AUTS2: variants seen among roughly 807,000 people sequenced by gnomAD.
The protein encoded by AUTS2 is activator of transcription and developmental regulator AUTS2.
Under a neutral mutation model 112.4 loss-of-function variants are expected in AUTS2, and 17 were observed. The ratio of observed to expected loss-of-function variants is 0.15; its 90% CI spans 0.10 to 0.23. AUTS2 has a LOEUF of 0.23. Among genes scored for constraint, AUTS2 ranks in the 10% least tolerant of loss-of-function variants. AUTS2 has a pLI of 1.00. For synonymous variants in AUTS2, 751 were observed against 702.7 expected (o/e 1.07, Z -1.09); for missense variants, 1,510 against 1,701.6 (o/e 0.89, Z 1.98).
At chr7:69,738,232 T>C (rs1047896547) in intron 1 of AUTS2, among the ~76,000 whole-genome samples, 4 of 152,040 alleles carry the variant, frequency 2.6e-5, no homozygotes, top group Non-Finnish European at 4.4e-5. Flanking sequence ...TGGATCCATT[T>C]TTTTTTTCCT....
chr7:69,670,041 A>G (rs1039513434), intron 1 of AUTS2, among the ~76,000 whole-genome samples: 6 of 152,058 alleles, frequency 3.9e-5, no homozygotes, highest in Middle Eastern at 3.2e-3. Context: ...TGTGATTTTT[A>G]TTATTAGACA....
intron 2 of AUTS2, among the ~76,000 whole-genome samples, chr7:70,088,440 A>G (rs757263873): frequency 1.5e-4 from 23 of 150,266 alleles, no homozygotes; most frequent in Non-Finnish European, 3.1e-4. Context: ...GGTTTCATTC[A>G]TATTCTTTAT....
At chr7:69,710,669 C>G (rs1300325390) in intron 1 of AUTS2, among the ~76,000 whole-genome samples, 1 of 152,206 alleles carries the variant, frequency 6.6e-6, no homozygotes, top group Admixed American at 6.5e-5. Flanking sequence ...GCTGAGAAGT[C>G]CTTTTTAAAG....
chr7:70,729,122 G>A lies in AUTS2; in HGVS notation c.742+30502G>A, dbSNP rs557073761. The A allele has an allele frequency of 1.0e-3, 470 of 456,042 alleles. 3 individuals are homozygous for A. Among genetic ancestry groups the A allele is most frequent in the South Asian group, 6.9e-3 (442 of 64,454 alleles). 28.2% of individuals were successfully genotyped at this position (456,042 alleles called of 1,614,324 possible). On this transcript the variant is annotated intron_variant, in intron 6 of 18. Transcript: ENST00000342771. Reference sequence around the variant, plus strand: ...ATTTACAAAATGGGGCGAAAACGACGGCCACACCCTCCATCACTCTTTTTC... The same window carrying A: ...ATTTACAAAATGGGGCGAAAACGACAGCCACACCCTCCATCACTCTTTTTC...
At chr7:70,412,200 C>A (rs1433223999) in intron 4 of AUTS2, among the ~76,000 whole-genome samples, 1 of 152,112 alleles carries the variant, frequency 6.6e-6, no homozygotes, top group Non-Finnish European at 1.5e-5. Flanking sequence ...CCGCCAAACT[C>A]TTTCCTTTGG....
At chr7:69,695,336 A>G (rs567191198) in intron 1 of AUTS2, among the ~76,000 whole-genome samples, 2 of 152,086 alleles carry the variant, frequency 1.3e-5, no homozygotes, top group Non-Finnish European at 2.9e-5. Context: ...TATAAAAAAG[A>G]AAAAAAATTT....
intron 4 of AUTS2, among the ~76,000 whole-genome samples, chr7:70,380,827 A>T (rs1427248319): frequency 6.6e-6 from 1 of 152,258 alleles, no homozygotes; most frequent in Non-Finnish European, 1.5e-5. Flanking sequence ...TTCAAAAGCC[A>T]CAGTCTCATG....
At chr7:70,357,396 A>G (rs1792059584) in intron 4 of AUTS2, among the ~76,000 whole-genome samples, 2 of 152,004 alleles carry the variant, frequency 1.3e-5, no homozygotes, top group Non-Finnish European at 2.9e-5. Context: ...GCCATTTAAA[A>G]CCTATAATGA....
intron 6 of AUTS2, among the ~76,000 whole-genome samples, chr7:70,721,279 CGTGTGT>C (rs55885084): frequency 3.0e-4 from 42 of 140,156 alleles, no homozygotes; most frequent in South Asian, 1.9e-3. Flanking sequence ...GAATTTCATT[CGTGTGT>C]GTGTGTGTGT....
At chr7:70,539,997 C>T (rs1159288970) in intron 5 of AUTS2, among the ~76,000 whole-genome samples, 1 of 152,166 alleles carries the variant, frequency 6.6e-6, no homozygotes, top group Non-Finnish European at 1.5e-5. Context: ...GTTTTCCAGC[C>T]ATTAGCTTTT....
intron 4 of AUTS2, among the ~76,000 whole-genome samples, chr7:70,162,444 TCAAAAAAAA>T: frequency 2.8e-5 from 1 of 36,168 alleles, no homozygotes; most frequent in African/African-American, 1.4e-4. Flanking sequence ...AGACTCCGTC[TCAAAAAAAA>T]AAAAAAAAAA....
intron 5 of AUTS2, among the ~76,000 whole-genome samples, chr7:70,599,965 A>C (rs539982363): frequency 6.6e-6 from 1 of 152,108 alleles, no homozygotes; most frequent in Non-Finnish European, 1.5e-5. Flanking sequence ...TGGTTCTCAA[A>C]ATGTGGCTGC....
chr7:70,643,554 A>G (rs1205235805), intron 5 of AUTS2, among the ~76,000 whole-genome samples: 1 of 152,186 alleles, frequency 6.6e-6, no homozygotes, highest in East Asian at 1.9e-4. Flanking sequence ...CTGGCAACAG[A>G]GCGAGACTCC....
chr7:70,564,705 G>A (rs1342082436), intron 5 of AUTS2, among the ~76,000 whole-genome samples: 1 of 152,150 alleles, frequency 6.6e-6, no homozygotes, highest in Non-Finnish European at 1.5e-5. Context: ...GAAATTCTCT[G>A]CTCTTGAACA....
At chr7:70,081,788 G>C (rs946295778) in intron 2 of AUTS2, among the ~76,000 whole-genome samples, 7 of 152,100 alleles carry the variant, frequency 4.6e-5, no homozygotes, top group African/African-American at 1.7e-4. Flanking sequence ...GAATTATAAG[G>C]TGATCTAATA....
chr7:69,856,775 G>T (rs922430053), intron 1 of AUTS2, among the ~76,000 whole-genome samples: 1 of 152,154 alleles, frequency 6.6e-6, no homozygotes, highest in African/African-American at 2.4e-5. Flanking sequence ...TTTCCTTGTT[G>T]TACCCTTGTT....
chr7:70,318,386 C>T (rs921235608), intron 4 of AUTS2, among the ~76,000 whole-genome samples: 4 of 151,722 alleles, frequency 2.6e-5, no homozygotes, highest in Admixed American at 1.3e-4. Flanking sequence ...CAGGACCTAC[C>T]GACTAGACAA....
chr7:69,636,805 G>A (rs890214244), intron 1 of AUTS2, among the ~76,000 whole-genome samples: 3 of 151,520 alleles, frequency 2.0e-5, no homozygotes, highest in Admixed American at 6.6e-5. Flanking sequence ...TCGTTCTGTC[G>A]CCCAGGCTGG....
At chr7:69,879,318 T>TC (rs1387989702) in intron 1 of AUTS2, among the ~76,000 whole-genome samples, 1 of 124,522 alleles carries the variant, frequency 8.0e-6, no homozygotes, top group African/African-American at 3.6e-5. Context: ...TATTTTTTTT[T>TC]TCTTTTTTTT....
Sources: gnomAD v4.1 joint callset for allele counts (sites outside exome capture counted in the v4.1 genomes callset) on GRCh38, gnomAD v4.1.1 for gene constraint, MANE v1.5 for transcripts, NCBI Gene and HGNC (gene_info 2026-07-23, HGNC 2026-07-21) for gene names.